Variants in CELF2 observed in about 807,000 individuals in gnomAD.
CELF2 encodes CUG triplet repeat RNA-binding protein 2.
In CELF2, 8 loss-of-function variants were observed where a neutral mutation model predicts 62.6. The ratio of observed to expected loss-of-function variants is 0.13; its 90% CI spans 0.07 to 0.23. The LOEUF is 0.23. CELF2 is among the 10% of genes least tolerant of loss of function. The pLI is 1.00. For synonymous variants in CELF2, 258 were observed against 250.0 expected (o/e 1.03, Z -0.30); for missense variants, 333 against 671.0 (o/e 0.50, Z 5.56).
At chr10:10,554,639 T>A in the CELF2 span, among the ~76,000 whole-genome samples, 1 of 152,158 alleles carries the variant, frequency 6.6e-6, no homozygotes, top group Non-Finnish European at 1.5e-5. Context: ...TGGTCCCAGG[T>A]GCATTACTTC....
At chr10:11,002,026 A>T (rs966880593), upstream of CELF2, among the ~76,000 whole-genome samples, 1 of 152,336 alleles carries the variant, frequency 6.6e-6, no homozygotes, top group East Asian at 1.9e-4. The surrounding 1 kb of genome is among the most constrained non-coding windows in gnomAD (Gnocchi z 4.4). Flanking sequence ...TATCTGTATT[A>T]GTCCATTTTC....
chr10:11,131,418 C>T (rs2059607342), intron 1 of CELF2, among the ~76,000 whole-genome samples: 1 of 152,178 alleles, frequency 6.6e-6, no homozygotes, highest in Admixed American at 6.5e-5. Context: ...ATCATCCTAG[C>T]TGAATAGAGT....
At chr10:10,551,923 C>A in the CELF2 span, among the ~76,000 whole-genome samples, 1 of 152,000 alleles carries the variant, frequency 6.6e-6, no homozygotes, top group African/African-American at 2.4e-5. Context: ...TGCTGCTTCA[C>A]TACAAAGCTC....
intron 10 of CELF2, chr10:11,320,744 C>A (rs984807175): frequency 3.6e-6 from 4 of 1,108,574 alleles, no homozygotes; most frequent in Non-Finnish European, 5.1e-6. Flanking sequence ...TCCTCCTCAG[C>A]CCTGCAAGCT....
At chr10:10,805,176 G>A (rs956247175) in intron 1 of CELF2, among the ~76,000 whole-genome samples, 2 of 152,240 alleles carry the variant, frequency 1.3e-5, no homozygotes, top group African/African-American at 4.8e-5. Flanking sequence ...TTAGAAGGAA[G>A]TGATACTTGT....
In CELF2 at chr10:11,330,821, T is replaced by C. The variant is rs1425123042; in HGVS notation, c.*1768T>C. On this transcript the variant is annotated 3_prime_UTR_variant, in exon 13 of 13. Coordinates refer to ENST00000633077, the MANE Select transcript of CELF2 (RefSeq NM_001326342.2). This position sits in a 1 kb window ranked among gnomAD's most constrained non-coding sequence, Gnocchi z 4.5. Reference sequence around the variant, plus strand: ...CATTCTTCCCGGTCACTGGTAACAATAGCAATATGTGTCCAGGGACACAGA... The same window carrying C: ...CATTCTTCCCGGTCACTGGTAACAACAGCAATATGTGTCCAGGGACACAGA... 1 of 152,588 alleles carries C rather than the reference T, an allele frequency of 6.6e-6. No individual in the cohort carries two copies. The allele number at this position is 152,588 out of a possible 1,614,324, so 9.5% of individuals were successfully genotyped here.
intron 9 of CELF2, among the ~76,000 whole-genome samples, chr10:11,292,467 C>T (rs970469674): frequency 2.0e-5 from 3 of 152,246 alleles, no homozygotes; most frequent in African/African-American, 7.2e-5. Context: ...TAGATGTCTG[C>T]ATTTGCATCA....
chr10:10,566,201 C>T, the CELF2 span, among the ~76,000 whole-genome samples: 1 of 151,972 alleles, frequency 6.6e-6, no homozygotes, highest in Non-Finnish European at 1.5e-5. Flanking sequence ...TAAAAGAAGG[C>T]TCCAGGGAAA....
Position 11,314,541 on chromosome 10 carries a change from G to C in CELF2, c.1096+283G>C. 4.3e-6 allele frequency: 2 copies of C among 470,246 alleles called. No individual in the cohort carries two copies. 29.1% of individuals were successfully genotyped at this position (470,246 alleles called of 1,614,324 possible). ...CTGGCAGCTCTTTTCAGGTTTCCAG[G>C]AGTTTGGTTTGGTTTGGTTTCGGTC... On this transcript the variant is annotated intron_variant, in intron 10 of 12. Coordinates refer to ENST00000633077, the MANE Select transcript of CELF2 (RefSeq NM_001326342.2). This position sits in a 1 kb window ranked among gnomAD's most constrained non-coding sequence, Gnocchi z 5.3.
In CELF2 at chr10:11,314,053, C is replaced by G; in HGVS notation, c.977-86C>G. The G allele has an allele frequency of 2.2e-6, 3 of 1,387,612 alleles. No individual in the cohort carries two copies. The highest frequency in any genetic ancestry group is 3.0e-6 in the Non-Finnish European group (3 of 998,648). 86.0% of individuals were successfully genotyped at this position (1,387,612 alleles called of 1,614,324 possible). A position where few individuals can be genotyped will look rare whatever the true frequency, so the allele number is the denominator to read the frequency against. On this transcript the variant is annotated intron_variant, in intron 9 of 12. Transcript: ENST00000633077. This position sits in a 1 kb window ranked among gnomAD's most constrained non-coding sequence, Gnocchi z 5.3. The stretch of plus-strand genomic sequence containing the variant: ...AAGCACAGCTCCTCAGCTCCGTCCA[C>G]TGAGATGATGACAGAAGGATTTCCA...
the CELF2 span, among the ~76,000 whole-genome samples, chr10:10,616,111 G>T: frequency 6.6e-6 from 1 of 152,090 alleles, no homozygotes; most frequent in East Asian, 1.9e-4. Flanking sequence ...TGATGTATTG[G>T]CTGGTTGATG....
chr10:10,667,439 A>T, the CELF2 span, among the ~76,000 whole-genome samples: 1 of 152,234 alleles, frequency 6.6e-6, no homozygotes, highest in South Asian at 2.1e-4. Flanking sequence ...GTCAATACAT[A>T]GAAAAGGAGA....
intron 1 of CELF2, among the ~76,000 whole-genome samples, chr10:11,009,196 G>A (rs2055940912): frequency 6.6e-6 from 1 of 152,100 alleles, no homozygotes; most frequent in Non-Finnish European, 1.5e-5. Flanking sequence ...GTCCAAGGAG[G>A]GACAGGACGT....
chr10:10,726,525 C>T, the CELF2 span, among the ~76,000 whole-genome samples: 1 of 152,204 alleles, frequency 6.6e-6, no homozygotes, highest in Non-Finnish European at 1.5e-5. Context: ...CTGCCTTTCT[C>T]TCTCCCGCTT....
chr10:10,951,013 G>C (rs1317825114), intron 2 of CELF2, among the ~76,000 whole-genome samples: 2 of 152,168 alleles, frequency 1.3e-5, no homozygotes, highest in African/African-American at 4.8e-5. Context: ...CATGAAAATA[G>C]CTCCTGTCCC....
chr10:10,866,216 A>G (rs1008767556), intron 1 of CELF2, among the ~76,000 whole-genome samples: 4 of 152,156 alleles, frequency 2.6e-5, no homozygotes, highest in South Asian at 2.1e-4. Context: ...CAAGGCCTAC[A>G]TCTTCACACT....
intron 1 of CELF2, among the ~76,000 whole-genome samples, chr10:11,126,467 A>G (rs1440735397): frequency 1.3e-5 from 2 of 152,206 alleles, no homozygotes; most frequent in Non-Finnish European, 2.9e-5. Context: ...CATACATACA[A>G]GTATAGATAC....
intron 2 of CELF2, among the ~76,000 whole-genome samples, chr10:10,985,569 G>A (rs1361665323): frequency 6.6e-6 from 1 of 152,210 alleles, no homozygotes; most frequent in Non-Finnish European, 1.5e-5. Context: ...TCTTTTACAA[G>A]TTTCCTTTTG....
intron 1 of CELF2, among the ~76,000 whole-genome samples, chr10:10,857,929 A>T (rs2059840455): frequency 1.3e-5 from 2 of 150,732 alleles, no homozygotes; most frequent in Admixed American, 6.6e-5. Flanking sequence ...ACAGACGCTA[A>T]TTTTTTTTTA....
Sources: gnomAD v4.1 joint callset for allele counts (sites outside exome capture counted in the v4.1 genomes callset) on GRCh38, gnomAD v4.1.1 for gene constraint, Gnocchi (gnomAD v3.1) non-coding constraint, MANE v1.5 for transcripts, NCBI Gene and HGNC (gene_info 2026-07-23, HGNC 2026-07-21) for gene names.